LHFPL3: variants seen among roughly 807,000 people sequenced by gnomAD.
The protein encoded by LHFPL3 is LHFPL tetraspan subfamily member 3 protein.
Under a neutral mutation model 19.3 loss-of-function variants are expected in LHFPL3, and 5 were observed. The observed-to-expected ratio is 0.26, with a 90% CI of 0.14 to 0.54. LHFPL3 has a LOEUF of 0.54. Ranked by LOEUF, LHFPL3 falls within the 20% of genes least tolerant of loss-of-function variation. The pLI is 0.94. For missense variants in LHFPL3, 249 were observed against 307.4 expected, an observed-to-expected ratio of 0.81 and a Z score of 1.42; for synonymous variants, 133 against 126.2, an observed-to-expected ratio of 1.05 and a Z score of -0.36.
chr7:104,417,602 G>A (rs1479049351), intron 1 of LHFPL3, among the ~76,000 whole-genome samples: 1 of 152,018 alleles, frequency 6.6e-6, no homozygotes, highest in Admixed American at 6.6e-5. Flanking sequence ...GTCTTTAGAG[G>A]CATTAATTTG....
At chr7:104,779,070 G>A (rs750793278) in intron 2 of LHFPL3, among the ~76,000 whole-genome samples, 1 of 152,152 alleles carries the variant, frequency 6.6e-6, no homozygotes, top group Non-Finnish European at 1.5e-5. Flanking sequence ...ATCACAGGTG[G>A]CTTCATGATG....
chr7:104,769,563 C>T (rs1342970370), intron 2 of LHFPL3, among the ~76,000 whole-genome samples: 3 of 152,124 alleles, frequency 2.0e-5, no homozygotes, highest in African/African-American at 7.2e-5. Context: ...CACCCATCAA[C>T]CCGTCATCTA....
intron 1 of LHFPL3, among the ~76,000 whole-genome samples, chr7:104,476,122 A>G (rs954920183): frequency 2.0e-5 from 3 of 152,216 alleles, no homozygotes; most frequent in African/African-American, 7.2e-5. Context: ...TGACAGATGT[A>G]TAGCCACTTC....
rs184580093 is a variant in LHFPL3 at position 104,533,114 on chromosome 7, T to A, written c.446-203561T>A. 2.3e-3 allele frequency among the ~76,000 whole-genome samples: 344 copies of A among 152,344 alleles called. 1 individual carries two copies. Among genetic ancestry groups the A allele is most frequent in the African/African-American group, 7.0e-3 (293 of 41,576 alleles). On this transcript the variant is annotated intron_variant, in intron 1 of 2. Coordinates refer to ENST00000424859, the MANE Select transcript of LHFPL3 (RefSeq NM_199000.3). ...CTTTTATTGATTAGCATCAGCTAAA[T>A]TCTCTGCATTAAAATGTTTTTTGTA...
rs376645761 is a variant in LHFPL3 at position 104,473,205 on chromosome 7, G to C, written c.445+143981G>C. On this transcript the variant is annotated intron_variant, in intron 1 of 2. Coordinates refer to ENST00000424859, the MANE Select transcript of LHFPL3 (RefSeq NM_199000.3). ...TACCAGAACCCTGTAGAGAATAAAT[G>C]CGTCTTTCAAACATAAATTTTACAA... Among the ~76,000 whole-genome samples, 19 of 152,286 alleles carry C rather than the reference G, an allele frequency of 1.2e-4. No homozygotes were observed. The East Asian group carries it at 3.1e-3, about 25-fold the overall frequency.
At chr7:104,737,471 C>G (rs753075493) in intron 2 of LHFPL3, among the ~76,000 whole-genome samples, 2 of 152,118 alleles carry the variant, frequency 1.3e-5, no homozygotes, top group East Asian at 3.8e-4. Flanking sequence ...GTGTTGTCTG[C>G]GTATCAAAAG....
chr7:104,682,605 GTGA>G (rs1486862710), intron 1 of LHFPL3, among the ~76,000 whole-genome samples: 2 of 152,178 alleles, frequency 1.3e-5, no homozygotes, highest in Non-Finnish European at 2.9e-5. Context: ...AGGCCAAGGT[GTGA>G]GGCTGGCTTC....
At chr7:104,628,788 T>A (rs1218866986) in intron 1 of LHFPL3, among the ~76,000 whole-genome samples, 1 of 152,176 alleles carries the variant, frequency 6.6e-6, no homozygotes, top group Non-Finnish European at 1.5e-5. Context: ...GGTTCCTTTT[T>A]CAAAGAAATT....
At chr7:104,874,699 G>A (rs886974467) in intron 2 of LHFPL3, among the ~76,000 whole-genome samples, 5 of 151,954 alleles carry the variant, frequency 3.3e-5, no homozygotes, top group East Asian at 3.9e-4. Context: ...ATGAGCCACC[G>A]CGCCCAGCTG....
At chr7:104,640,642 T>C (rs1562956212) in intron 1 of LHFPL3, among the ~76,000 whole-genome samples, 1 of 152,230 alleles carries the variant, frequency 6.6e-6, no homozygotes, top group Non-Finnish European at 1.5e-5. Context: ...TACCCAATCC[T>C]TGCCAGCATC....
chr7:104,397,840 C>G (rs1233793780), intron 1 of LHFPL3, among the ~76,000 whole-genome samples: 3 of 152,170 alleles, frequency 2.0e-5, no homozygotes, highest in Non-Finnish European at 4.4e-5. Context: ...TGACAGTGAA[C>G]AGAGGAGGGA....
intron 1 of LHFPL3, among the ~76,000 whole-genome samples, chr7:104,640,092 T>C (rs1406050020): frequency 2.0e-5 from 3 of 152,240 alleles, no homozygotes; most frequent in Non-Finnish European, 4.4e-5. Context: ...ACCAGAGTTC[T>C]TAAGAAATGT....
chr7:104,721,084 C>G (rs1793481100), intron 1 of LHFPL3, among the ~76,000 whole-genome samples: 1 of 152,102 alleles, frequency 6.6e-6, no homozygotes, highest in East Asian at 1.9e-4. Context: ...AAGACACATG[C>G]ACATGTATAT....
chr7:104,766,234 T>A (rs1794454284), intron 2 of LHFPL3, among the ~76,000 whole-genome samples: 1 of 152,044 alleles, frequency 6.6e-6, no homozygotes, highest in Admixed American at 6.5e-5. Flanking sequence ...GAGCAATGAG[T>A]GGAATGATCA....
intron 1 of LHFPL3, among the ~76,000 whole-genome samples, chr7:104,503,629 G>T (rs1336663297): frequency 6.6e-6 from 1 of 152,050 alleles, no homozygotes; most frequent in Non-Finnish European, 1.5e-5. Context: ...GAGTGCAGTG[G>T]CATGATCTTG....
chr7:104,685,974 T>C (rs1792797178), intron 1 of LHFPL3, among the ~76,000 whole-genome samples: 2 of 152,206 alleles, frequency 1.3e-5, no homozygotes, highest in African/African-American at 4.8e-5. Context: ...AGAAATACCA[T>C]TGAAGTAGCA....
At chr7:104,810,658 G>T (rs879358295) in intron 2 of LHFPL3, among the ~76,000 whole-genome samples, 6 of 152,150 alleles carry the variant, frequency 3.9e-5, no homozygotes, top group Non-Finnish European at 8.8e-5. Context: ...ACAGGCACAT[G>T]TTCAGAAATA....
At chr7:104,344,789 T>C (rs1790032666) in intron 1 of LHFPL3, among the ~76,000 whole-genome samples, 1 of 152,222 alleles carries the variant, frequency 6.6e-6, no homozygotes, top group African/African-American at 2.4e-5. Flanking sequence ...TACCCAGTAA[T>C]GGGTTTGCTG....
chr7:104,583,867 A>G (rs1045926866), intron 1 of LHFPL3, among the ~76,000 whole-genome samples: 5 of 151,736 alleles, frequency 3.3e-5, no homozygotes, highest in African/African-American at 9.7e-5. Context: ...GTGGGACTGT[A>G]AACTAGTTCA....
Sources: allele counts gnomAD v4.1 joint callset (sites outside exome capture counted in the v4.1 genomes callset), GRCh38; gene constraint gnomAD v4.1.1; transcripts MANE v1.5; gene names NCBI Gene and HGNC (gene_info 2026-07-23, HGNC 2026-07-21).